PDE1A: variants seen among roughly 807,000 people sequenced by gnomAD.
The protein encoded by PDE1A is dual specificity calcium/calmodulin-dependent 3',5'-cyclic nucleotide phosphodiesterase 1A.
PDE1A carries 35 observed loss-of-function variants against 61.7 expected under a neutral mutation model. The observed-to-expected ratio is 0.57, with a 90% CI of 0.43 to 0.75. The LOEUF (loss-of-function observed/expected upper bound fraction) is 0.75, where lower values mean the gene tolerates loss of function less well. Among genes scored for constraint, PDE1A ranks in the 30% least tolerant of loss-of-function variants. The pLI is 0.00. For missense variants in PDE1A, 597 were observed against 630.6 expected (o/e 0.95, Z 0.57); for synonymous variants, 232 against 213.2 (o/e 1.09, Z -0.77).
At chr2:182,513,284 G>C (rs557225375) in intron 2 of PDE1A, among the ~76,000 whole-genome samples, 1 of 152,260 alleles carries the variant, frequency 6.6e-6, no homozygotes, top group African/African-American at 2.4e-5. Context: ...AAGAGACTGG[G>C]GGCCTATATT....
the PDE1A span, among the ~76,000 whole-genome samples, chr2:182,541,097 T>C: frequency 6.6e-6 from 1 of 152,182 alleles, no homozygotes; most frequent in Admixed American, 6.5e-5. Context: ...GATATATTTA[T>C]ATGTAAGAGG....
the PDE1A span, among the ~76,000 whole-genome samples, chr2:182,630,557 A>T: frequency 7.0e-6 from 1 of 142,464 alleles, no homozygotes; most frequent in Non-Finnish European, 1.5e-5. Context: ...CTCTTTTTTA[A>T]AAAAAAAAAA....
At chr2:182,364,374 A>T (rs921493289) in intron 1 of PDE1A, among the ~76,000 whole-genome samples, 1 of 149,260 alleles carries the variant, frequency 6.7e-6, no homozygotes, top group African/African-American at 2.5e-5. Context: ...TTGGGTCAAT[A>T]AAATGCCTCT....
At chr2:182,688,008 C>T in the PDE1A span, among the ~76,000 whole-genome samples, 1 of 152,074 alleles carries the variant, frequency 6.6e-6, no homozygotes, top group Non-Finnish European at 1.5e-5. Flanking sequence ...AACAAAGCCT[C>T]CAAGAAATAT....
intron 1 of PDE1A, among the ~76,000 whole-genome samples, chr2:182,322,403 C>T (rs192683064): frequency 2.6e-5 from 4 of 152,240 alleles, no homozygotes; most frequent in African/African-American, 9.6e-5. Context: ...TTCCTGTACT[C>T]TTCTCATGAT....
At chr2:182,386,443 A>G (rs1214851040) in intron 1 of PDE1A, among the ~76,000 whole-genome samples, 1 of 142,586 alleles carries the variant, frequency 7.0e-6, no homozygotes, top group Admixed American at 6.9e-5. Context: ...TGTGGGGAGC[A>G]CCTCTGCCCC....
chr2:182,391,946 A>G (rs1701447356), intron 1 of PDE1A, among the ~76,000 whole-genome samples: 1 of 152,232 alleles, frequency 6.6e-6, no homozygotes, highest in Non-Finnish European at 1.5e-5. Flanking sequence ...TGACCCCTCA[A>G]TCAGTTTTCA....
In PDE1A at chr2:182,186,291, G is replaced by A. The variant is rs182355790; in HGVS notation, c.1328+177C>T. The stretch of plus-strand genomic sequence containing the variant: ...CCTTACTTAGTATTTCATATTTTGT[G>A]TATTAAACTTCAGTTGTCAAAGGCA... On this transcript the variant is annotated intron_variant, in intron 12 of 13. Coordinates refer to ENST00000351439, the Ensembl canonical transcript of PDE1A. Among the ~76,000 whole-genome samples, 477 of 152,170 alleles carry A rather than the reference G, an allele frequency of 3.1e-3. 3 individuals carry two copies. The highest frequency in any genetic ancestry group is 5.4e-3 in the Non-Finnish European group (364 of 67,998).
chr2:182,159,957 T>C (rs1359586201), intron 13 of PDE1A, among the ~76,000 whole-genome samples: 1 of 151,874 alleles, frequency 6.6e-6, no homozygotes, highest in Non-Finnish European at 1.5e-5. Flanking sequence ...TGTCTCAAAT[T>C]AAAAAAAAGA....
At chr2:182,674,706 C>G in the PDE1A span, among the ~76,000 whole-genome samples, 1 of 152,030 alleles carries the variant, frequency 6.6e-6, no homozygotes, top group African/African-American at 2.4e-5. Flanking sequence ...GATTCAAAGT[C>G]ATGTGCCTGA....
intron 13 of PDE1A, among the ~76,000 whole-genome samples, chr2:182,183,901 G>C (rs1012376866): frequency 4.0e-5 from 6 of 151,674 alleles, no homozygotes; most frequent in Admixed American, 6.6e-5. Context: ...CAGGATTGAG[G>C]TGGCAGAGAA....
At chr2:182,504,165 CA>C (rs1376521923) in intron 2 of PDE1A, among the ~76,000 whole-genome samples, 9 of 152,312 alleles carry the variant, frequency 5.9e-5, no homozygotes, top group Middle Eastern at 3.4e-3. Context: ...ATACACTTAA[CA>C]AAACAATCTG....
At chr2:182,183,176 T>C (rs560999541) in intron 13 of PDE1A, among the ~76,000 whole-genome samples, 1 of 152,284 alleles carries the variant, frequency 6.6e-6, no homozygotes, top group African/African-American at 2.4e-5. Flanking sequence ...AAACCTATGG[T>C]GAAGAGGAAT....
At chr2:182,353,498 T>TTATCTATC (rs1699007154) in intron 1 of PDE1A, among the ~76,000 whole-genome samples, 1 of 152,126 alleles carries the variant, frequency 6.6e-6, no homozygotes. Context: ...TGTTATAGCA[T>TTATCTATC]TATCTGTGGA....
chr2:182,685,114 T>TAC, the PDE1A span, among the ~76,000 whole-genome samples: 5 of 149,772 alleles, frequency 3.3e-5, no homozygotes, highest in South Asian at 2.1e-4. Context: ...CATATATATA[T>TAC]ACACACACAC....
intron 1 of PDE1A, among the ~76,000 whole-genome samples, chr2:182,330,344 TAA>T (rs11340321): frequency 0.011 from 1,679 of 147,230 alleles, 10 homozygotes; most frequent in South Asian, 0.023. Flanking sequence ...AACTCAGTCT[TAA>T]AAAAAAAAAA....
At chr2:182,278,772 T>C (rs1283356368) in intron 1 of PDE1A, among the ~76,000 whole-genome samples, 3 of 151,998 alleles carry the variant, frequency 2.0e-5, no homozygotes, top group East Asian at 1.9e-4. Context: ...TTCTCTATAG[T>C]AGCCCAGCAA....
chr2:182,430,310 A>G (rs1703868502), upstream of PDE1A, among the ~76,000 whole-genome samples: 1 of 125,312 alleles, frequency 8.0e-6, no homozygotes, highest in African/African-American at 3.1e-5. Context: ...ATGAACAGAC[A>G]CTTCTCAAAA....
the PDE1A span, among the ~76,000 whole-genome samples, chr2:182,708,644 C>A: frequency 2.6e-5 from 4 of 152,112 alleles, no homozygotes; most frequent in Non-Finnish European, 5.9e-5. Flanking sequence ...GGGAAACCAC[C>A]CCCATGATCC....
Sources: allele counts gnomAD v4.1 joint callset (sites outside exome capture counted in the v4.1 genomes callset), GRCh38; gene constraint gnomAD v4.1.1; transcripts MANE v1.5; gene names NCBI Gene and HGNC (gene_info 2026-07-23, HGNC 2026-07-21).